Variants in STK38L observed in about 807,000 individuals in gnomAD.
The protein encoded by STK38L is serine/threonine kinase 38 like.
STK38L carries 28 observed loss-of-function variants against 59.7 expected under a neutral mutation model. The ratio of observed to expected loss-of-function variants is 0.47; its 90% CI spans 0.35 to 0.64. STK38L has a LOEUF of 0.64. STK38L is among the 30% of genes least tolerant of loss of function. The pLI is 0.01. For synonymous variants in STK38L, 162 were observed against 176.8 expected, an observed-to-expected ratio of 0.92 and a Z score of 0.66; for missense variants, 314 against 555.8, an observed-to-expected ratio of 0.56 and a Z score of 4.37.
At chr12:27,311,894 T>G (rs1222863373) in intron 5 of STK38L, among the ~76,000 whole-genome samples, 1 of 152,176 alleles carries the variant, frequency 6.6e-6, no homozygotes, top group Non-Finnish European at 1.5e-5. Flanking sequence ...ACTCTTTTTT[T>G]TTTTGAGATG....
rs1252458774 is a variant in STK38L, at chr12:27,322,018, C to T, written c.1176-125C>T. Reference sequence around the variant, plus strand: ...AACTCCCTTTAACTAATCTCAAATCCACAATAAATTTCCTTGGATTTTCTA... The same window carrying T: ...AACTCCCTTTAACTAATCTCAAATCTACAATAAATTTCCTTGGATTTTCTA... On this transcript the variant is annotated intron_variant, in intron 12 of 13. Coordinates refer to ENST00000389032, the MANE Select transcript of STK38L (RefSeq NM_015000.4). The T allele has an allele frequency of 1.0e-5, 8 of 769,612 alleles. No homozygotes were observed. In the African/African-American group the frequency reaches 1.4e-4, roughly 14 times the overall value. 47.7% of individuals were successfully genotyped at this position (769,612 alleles called of 1,614,324 possible). A position where few individuals can be genotyped will look rare whatever the true frequency, so the allele number is the denominator to read the frequency against.
At position 27,325,212 on chromosome 12, in the gene STK38L, A is replaced by G. The variant is rs1304951922; in HGVS notation, c.*2757A>G. 1 of 152,174 alleles carries G rather than the reference A, an allele frequency of 6.6e-6. No individual in the cohort carries two copies. Among genetic ancestry groups the G allele is most frequent in the Non-Finnish European group, 1.5e-5 (1 of 67,968 alleles). 9.4% of individuals were successfully genotyped at this position (152,174 alleles called of 1,614,324 possible). The stretch of plus-strand genomic sequence containing the variant: ...GCTTATAAACCAGCCACTTCTGAAT[A>G]CAATATGTAGCTGATTTAATAAGCT... On this transcript the variant is annotated 3_prime_UTR_variant, in exon 14 of 14. Transcript: ENST00000389032.
chr12:27,298,639 T>G (rs1944088976), intron 2 of STK38L, among the ~76,000 whole-genome samples: 1 of 152,212 alleles, frequency 6.6e-6, no homozygotes, highest in South Asian at 2.1e-4. Context: ...AATGTGCTTT[T>G]GTCTAGGCAA....
intron 1 of STK38L, among the ~76,000 whole-genome samples, chr12:27,271,415 G>A (rs1943420135): frequency 6.6e-6 from 1 of 152,204 alleles, no homozygotes; most frequent in African/African-American, 2.4e-5. Flanking sequence ...AGTGTATGGT[G>A]GATCAGGCTT....
intron 1 of STK38L, among the ~76,000 whole-genome samples, chr12:27,266,300 T>A (rs907218004): frequency 1.4e-4 from 21 of 152,208 alleles, no homozygotes; most frequent in African/African-American, 4.8e-4. Flanking sequence ...ACATATTCCC[T>A]GTGCCTGGGG....
chr12:27,288,567 C>G (rs1465381967), intron 1 of STK38L, among the ~76,000 whole-genome samples: 2 of 152,090 alleles, frequency 1.3e-5, no homozygotes, highest in Admixed American at 1.3e-4. Flanking sequence ...TTCTCTAGAT[C>G]ACTGTAATAT....
chr12:27,286,897 T>G (rs1172431781), intron 1 of STK38L, among the ~76,000 whole-genome samples: 2 of 152,174 alleles, frequency 1.3e-5, no homozygotes, highest in African/African-American at 4.8e-5. Context: ...TACTGCATAA[T>G]TTTAAATTTT....
In STK38L at chr12:27,324,222, A is replaced by G. The variant is rs1197568641; in HGVS notation, c.*1767A>G. The G allele has an allele frequency of 8.2e-6, 1 of 121,330 alleles. No homozygotes were observed. The highest frequency in any genetic ancestry group is 1.7e-5 in the Non-Finnish European group (1 of 58,878). The allele number at this position is 121,330 out of a possible 1,614,324, so 7.5% of individuals were successfully genotyped here. On this transcript the variant is annotated 3_prime_UTR_variant, in exon 14 of 14. Transcript: ENST00000389032. ...CCATTTTTCTAGTCTGGATTTTTTG[A>G]GTATTTAGGAAAGAGAGCTATTAAA...
chr12:27,314,543 C>G lies in STK38L; in HGVS notation c.557C>G (p.Thr186Arg). ...TTGCTAATGAAGAAAGACACCTTGA[C>G]AGAAGAGGAAACACAGTTCTACATT... ...MTLLMKKDTL[T>R]EEETQFYISE... Residue 186 changes from threonine (T) to arginine (R), a missense_variant, in exon 7 of 14, where the codon ACA becomes AGA. Thr to Arg is a moderately conservative substitution (Grantham distance 71, BLOSUM62 -1). This residue lies in a region of STK38L where 192 missense variants were observed against 316.9 expected (regional missense o/e 0.61). Transcript: ENST00000389032. 3 of 1,596,728 alleles carry G rather than the reference C, an allele frequency of 1.9e-6. No homozygotes were observed. Among genetic ancestry groups the G allele is most frequent in the Non-Finnish European group, 2.6e-6 (3 of 1,171,600 alleles).
chr12:27,314,485 T>G lies in STK38L; in HGVS notation c.518-19T>G. On this transcript the variant is annotated intron_variant, in intron 6 of 13. Transcript: ENST00000389032. Reference sequence around the variant, plus strand: ...TGAGGCATTTTCAATAATAATATATTTGACTATCCTTTATTTAGGTGACAT... The same window carrying G: ...TGAGGCATTTTCAATAATAATATATGTGACTATCCTTTATTTAGGTGACAT... 2.7e-6 allele frequency: 4 copies of G among 1,497,804 alleles called. No homozygotes were observed. Among genetic ancestry groups the G allele is most frequent in the Non-Finnish European group, 3.6e-6 (4 of 1,120,824 alleles). 92.8% of individuals were successfully genotyped at this position (1,497,804 alleles called of 1,614,324 possible). A position where few individuals can be genotyped will look rare whatever the true frequency, so the allele number is the denominator to read the frequency against.
intron 1 of STK38L, among the ~76,000 whole-genome samples, chr12:27,272,072 G>A (rs1397614134): frequency 1.3e-5 from 2 of 152,176 alleles, no homozygotes; most frequent in African/African-American, 2.4e-5. Context: ...GGTTCAAAAA[G>A]CAACTTTCAT....
rs201300659 is a variant in STK38L, at chr12:27,302,204, A to G, written c.186+16A>G. 2.0e-4 allele frequency: 320 copies of G among 1,579,236 alleles called. No homozygotes were observed. In the African/African-American group the frequency reaches 3.7e-3, roughly 18 times the overall value. ...AGATGAAGAGGTAATGTAATTACCT[A>G]TAATTACTGTACAAAAGCACCCCCA... On this transcript the variant is annotated intron_variant, in intron 3 of 13. Transcript: ENST00000389032.
intron 1 of STK38L, among the ~76,000 whole-genome samples, chr12:27,268,698 A>G (rs371529723): frequency 6.6e-6 from 1 of 152,184 alleles, no homozygotes; most frequent in Non-Finnish European, 1.5e-5. Context: ...CGCCACACTG[A>G]CTTCCACAAT....
chr12:27,286,060 C>G (rs1013835477), intron 1 of STK38L, among the ~76,000 whole-genome samples: 31 of 152,214 alleles, frequency 2.0e-4, no homozygotes, highest in Middle Eastern at 3.4e-3. Context: ...AAAACTTCTT[C>G]AAAATTTCCT....
At chr12:27,304,218 C>T (rs576036947) in intron 3 of STK38L, among the ~76,000 whole-genome samples, 2 of 138,400 alleles carry the variant, frequency 1.4e-5, no homozygotes, top group East Asian at 4.1e-4. Context: ...GAGATCATGC[C>T]ATTGCACTCC....
chr12:27,310,361 G>A (rs1327288011), intron 5 of STK38L, among the ~76,000 whole-genome samples: 2 of 152,262 alleles, frequency 1.3e-5, no homozygotes, highest in African/African-American at 2.4e-5. Flanking sequence ...CAATAAGGAC[G>A]TGGGTAAAGA....
intron 1 of STK38L, among the ~76,000 whole-genome samples, chr12:27,268,903 T>G (rs2136616015): frequency 6.6e-6 from 1 of 152,344 alleles, no homozygotes; most frequent in South Asian, 2.1e-4. Flanking sequence ...GTCTTTTGGC[T>G]TCATAAATGT....
At chr12:27,313,006 T>C (rs1199695288) in intron 6 of STK38L, among the ~76,000 whole-genome samples, 3 of 152,170 alleles carry the variant, frequency 2.0e-5, no homozygotes, top group Non-Finnish European at 4.4e-5. Context: ...CCCAGCACTT[T>C]GGGAGGCCGA....
chr12:27,296,059 T>A (rs962457869), intron 1 of STK38L, among the ~76,000 whole-genome samples: 5 of 152,340 alleles, frequency 3.3e-5, no homozygotes, highest in South Asian at 2.1e-4. Flanking sequence ...CTATGTGACT[T>A]GCCCCAAACT....
Sources: gnomAD v4.1 joint callset for allele counts (sites outside exome capture counted in the v4.1 genomes callset) on GRCh38, gnomAD v4.1.1 for gene constraint, gnomAD v4.1.1 regional missense constraint, MANE v1.5 for transcripts, NCBI Gene and HGNC (gene_info 2026-07-23, HGNC 2026-07-21) for gene names.